Variants in RABGAP1 observed in about 807,000 individuals in gnomAD.
RABGAP1 encodes the protein rab GTPase-activating protein 1.
In RABGAP1, 23 loss-of-function variants were observed where a neutral mutation model predicts 137.6. The observed-to-expected ratio is 0.17, with a 90% CI of 0.12 to 0.24. The LOEUF (loss-of-function observed/expected upper bound fraction) is 0.24, where lower values mean the gene tolerates loss of function less well. Ranked by LOEUF, RABGAP1 falls within the 10% of genes least tolerant of loss-of-function variation. The pLI is 1.00. For synonymous variants in RABGAP1, 451 were observed against 450.7 expected (o/e 1.00, Z -0.01); for missense variants, 906 against 1,275.8 (o/e 0.71, Z 4.42).
At chr9:122,953,952 C>A (rs1215390790) in intron 1 of RABGAP1, among the ~76,000 whole-genome samples, 4 of 152,206 alleles carry the variant, frequency 2.6e-5, no homozygotes, top group African/African-American at 9.7e-5. Context: ...AGCCTGCCCT[C>A]ATGAACCTTA....
At chr9:122,954,379 A>C (rs1181992831) in intron 1 of RABGAP1, among the ~76,000 whole-genome samples, 1 of 152,250 alleles carries the variant, frequency 6.6e-6, no homozygotes, top group African/African-American at 2.4e-5. Context: ...GATAAACCTC[A>C]TTCCTGCTGA....
intron 11 of RABGAP1, among the ~76,000 whole-genome samples, chr9:123,014,922 A>G (rs1309183866): frequency 6.6e-6 from 1 of 152,128 alleles, no homozygotes; most frequent in Non-Finnish European, 1.5e-5. Context: ...ATCAGATCTC[A>G]TGAGAACTCA....
chr9:122,996,699 T>A, intron 8 of RABGAP1, 94 bp downstream of exon 8: 2 of 1,048,042 alleles, frequency 1.9e-6, no homozygotes, highest in Non-Finnish European at 2.8e-6. Flanking sequence ...AAAACATGTT[T>A]AAGAAGGTGA....
intron 13 of RABGAP1, among the ~76,000 whole-genome samples, chr9:123,043,325 A>T (rs1324139264): frequency 6.6e-6 from 1 of 152,316 alleles, no homozygotes; most frequent in East Asian, 1.9e-4. Context: ...CAGCCAGTCT[A>T]AATAGGAGCA....
chr9:123,058,430 T>C (rs2033834916), intron 13 of RABGAP1, among the ~76,000 whole-genome samples: 1 of 152,216 alleles, frequency 6.6e-6, no homozygotes, highest in South Asian at 2.1e-4. Context: ...AGTTATTATC[T>C]GAATGGTAAA....
intron 24 of RABGAP1, among the ~76,000 whole-genome samples, chr9:123,100,439 T>C (rs1243420522): frequency 8.2e-6 from 1 of 121,952 alleles, no homozygotes; most frequent in Non-Finnish European, 1.6e-5. Context: ...GTGTGTGTGT[T>C]TGAGACAGAG....
At chr9:123,063,641 C>T (rs1322268717) in intron 13 of RABGAP1, among the ~76,000 whole-genome samples, 2 of 152,214 alleles carry the variant, frequency 1.3e-5, no homozygotes, top group South Asian at 2.1e-4. Context: ...GTAATGTTGA[C>T]ATCTTTTCAA....
chr9:122,966,166 T>C (rs1466109376), intron 2 of RABGAP1, among the ~76,000 whole-genome samples: 2 of 152,162 alleles, frequency 1.3e-5, no homozygotes, highest in African/African-American at 2.4e-5. Context: ...GTTGGATATA[T>C]GAGACAAATA....
rs185270774 is a variant in RABGAP1, at chr9:122,943,566, A to G, written c.-50+2473A>G. ...ACCTGTTTCCTACCTTTTCTGCTGC[A>G]TATTGAGAGAACTGTATTATGCACT... On this transcript the variant is annotated intron_variant, in intron 1 of 25. Transcript: ENST00000373647. Among the ~76,000 whole-genome samples the G allele has an allele frequency of 2.2e-4, 33 of 152,334 alleles. No individual in the cohort carries two copies. The East Asian group carries it at 6.2e-3, about 29-fold the overall frequency.
intron 19 of RABGAP1, among the ~76,000 whole-genome samples, chr9:123,087,189 G>C (rs1423524350): frequency 6.6e-6 from 1 of 152,120 alleles, no homozygotes; most frequent in Admixed American, 6.5e-5. Flanking sequence ...TATAATAAGG[G>C]TTAATGAAAT....
At chr9:122,980,448 A>G (rs2131727261) in intron 2 of RABGAP1, among the ~76,000 whole-genome samples, 1 of 152,288 alleles carries the variant, frequency 6.6e-6, no homozygotes, top group Non-Finnish European at 1.5e-5. Context: ...CTTCATTGTA[A>G]TAGTACATCC....
intron 2 of RABGAP1, among the ~76,000 whole-genome samples, chr9:122,976,873 A>G (rs1280991145): frequency 6.6e-6 from 1 of 152,188 alleles, no homozygotes; most frequent in Non-Finnish European, 1.5e-5. Flanking sequence ...CCCAGAGGAG[A>G]TAACAGAATT....
In RABGAP1 at chr9:122,986,445, C is replaced by T. The variant is rs532567180; in HGVS notation, c.590+26C>T. The T allele has an allele frequency of 4.2e-5, 67 of 1,597,946 alleles. No homozygotes were observed. The Middle Eastern group carries it at 3.2e-3, about 75-fold the overall frequency. ...GTGAGACTGGTTTGTTGAAATCTTT[C>T]GATATTTACATCAGATCTCTGACCT... On this transcript the variant is annotated intron_variant, in intron 4 of 25. Transcript: ENST00000373647.
intron 13 of RABGAP1, among the ~76,000 whole-genome samples, chr9:123,051,108 AT>A (rs756923997): frequency 3.2e-3 from 415 of 130,672 alleles, no homozygotes; most frequent in Middle Eastern, 8.8e-3. Context: ...AGAATACTCA[AT>A]TTTTTTTTTT....
Position 123,070,312 on chromosome 9 carries a change from C to T in RABGAP1, c.1909-38C>T, listed in dbSNP as rs759177663. ...TGCCACCATGGCCCACAAGTGGCTA[C>T]ATTCATTTACATTTCCTCTGTGTGT... On this transcript the variant is annotated intron_variant, in intron 14 of 25. Transcript: ENST00000373647. The surrounding 1 kb of genome is among the most constrained non-coding windows in gnomAD (Gnocchi z 4.4). 6.2e-7 allele frequency: 1 copy of T among 1,612,860 alleles called. No homozygotes were observed. The highest frequency in any genetic ancestry group is 1.1e-5 in the South Asian group (1 of 90,936).
rs2034812623 is a variant in RABGAP1 at position 123,084,642 on chromosome 9, G to A, written c.2425-5116G>A. On this transcript the variant is annotated intron_variant, in intron 19 of 25. Transcript: ENST00000373647. ...TGTTTAAAATGGCTCTTTGTTTGCA[G>A]CACATGTTCAGAGTTGTAGCTGTGT... 3.3e-5 allele frequency among the ~76,000 whole-genome samples: 5 copies of A among 152,218 alleles called. No homozygotes were observed. In the South Asian group the frequency reaches 1.0e-3, roughly 32 times the overall value.
At chr9:123,095,189 T>C (rs1048519463) in intron 21 of RABGAP1, among the ~76,000 whole-genome samples, 2 of 129,392 alleles carry the variant, frequency 1.5e-5, no homozygotes, top group African/African-American at 6.0e-5. Context: ...ATCATGCCAC[T>C]GCACTCCAGC....
chr9:122,987,346 A>G (rs548821911), intron 4 of RABGAP1, among the ~76,000 whole-genome samples: 12 of 152,326 alleles, frequency 7.9e-5, no homozygotes, highest in East Asian at 7.7e-4. Flanking sequence ...ATTTAAAAAA[A>G]TTGCCACATA....
At chr9:123,029,506 C>T in intron 13 of RABGAP1, 6 of 928,400 alleles carry the variant, frequency 6.5e-6, no homozygotes, top group Non-Finnish European at 1.1e-5. Flanking sequence ...CTGCCCTGGC[C>T]AGGGAACCTC....
Sources: gnomAD v4.1 joint callset for allele counts (sites outside exome capture counted in the v4.1 genomes callset) on GRCh38, gnomAD v4.1.1 for gene constraint, Gnocchi (gnomAD v3.1) non-coding constraint, MANE v1.5 for transcripts, NCBI Gene and HGNC (gene_info 2026-07-23, HGNC 2026-07-21) for gene names.